MAD1L1: variants seen among roughly 807,000 people sequenced by gnomAD.
MAD1L1 encodes the protein mitotic spindle assembly checkpoint protein MAD1.
In MAD1L1, 95 loss-of-function variants were observed where a neutral mutation model predicts 96.9. The observed-to-expected ratio is 0.98, with a 90% confidence interval of 0.83 to 1.16. MAD1L1 has a LOEUF of 1.16. MAD1L1 is among the 50% of genes most tolerant of loss of function. The probability of loss-of-function intolerance (pLI) is 0.00; values close to 1 mark genes in which losing one functional copy is unlikely to be tolerated. For synonymous variants in MAD1L1, 473 were observed against 396.6 expected, an observed-to-expected ratio of 1.19 and a Z score of -2.29; for missense variants, 1,007 against 954.4, an observed-to-expected ratio of 1.06 and a Z score of -0.73.
At chr7:1,876,892 G>C (rs983454460) in intron 18 of MAD1L1, among the ~76,000 whole-genome samples, 1 of 129,822 alleles carries the variant, frequency 7.7e-6, no homozygotes, top group Non-Finnish European at 1.7e-5. Context: ...GGCAGCATGG[G>C]AAGGTGCGGT....
At chr7:2,042,937 C>G (rs1280141850) in intron 12 of MAD1L1, among the ~76,000 whole-genome samples, 1 of 152,076 alleles carries the variant, frequency 6.6e-6, no homozygotes, top group Non-Finnish European at 1.5e-5. Flanking sequence ...CAAGGCAGTG[C>G]TGCTGAGGGC....
chr7:2,215,631 G>C (rs1162948918), intron 9 of MAD1L1, among the ~76,000 whole-genome samples: 1 of 152,096 alleles, frequency 6.6e-6, no homozygotes, highest in African/African-American at 2.4e-5. Flanking sequence ...GAGCCCCCAG[G>C]ATGGCCCAGG....
At chr7:1,935,389 C>T (rs547032697) in intron 17 of MAD1L1, among the ~76,000 whole-genome samples, 1 of 152,216 alleles carries the variant, frequency 6.6e-6, no homozygotes, top group African/African-American at 2.4e-5. Context: ...AATCTGGCAA[C>T]ACAGGCCCCC....
intron 18 of MAD1L1, among the ~76,000 whole-genome samples, chr7:1,891,075 G>A (rs990724742): frequency 3.3e-5 from 5 of 152,196 alleles, no homozygotes; most frequent in Non-Finnish European, 7.4e-5. Context: ...GCAAGGATGG[G>A]CAGAGGGGAA....
chr7:1,979,225 TC>T lies in MAD1L1; in HGVS notation c.1505+1227del, dbSNP rs1780782976. On this transcript the variant is annotated intron_variant, in intron 15 of 18. Coordinates refer to ENST00000265854, the MANE Select transcript of MAD1L1 (RefSeq NM_001013836.2). The stretch of plus-strand genomic sequence containing the variant: ...GCTGTGTGGCCTAGGAAGGGTGCTC[TC>T]TCCCCACTGCCACCCCCATCTCACT... Among the ~76,000 whole-genome samples the T allele has an allele frequency of 2.0e-5, 3 of 152,226 alleles. 1 individual carries two copies. Among genetic ancestry groups the T allele is most frequent in the African/African-American group, 7.2e-5 (3 of 41,544 alleles).
chr7:2,092,460 C>T (rs188050815), intron 11 of MAD1L1, among the ~76,000 whole-genome samples: 230 of 152,148 alleles, frequency 1.5e-3, no homozygotes, highest in Admixed American at 3.5e-3. Context: ...CTCTGGATAT[C>T]GGTTGACTGT....
At chr7:2,039,390 ACTGCTGGTCATATGGGAG>A (rs1385459449) in intron 12 of MAD1L1, among the ~76,000 whole-genome samples, 2 of 152,192 alleles carry the variant, frequency 1.3e-5, no homozygotes, top group African/African-American at 4.8e-5. Context: ...CAGGAATGCG[ACTGCTGGTCATATGGGAG>A]CTGCAGTGCA....
chr7:1,958,792 T>C (rs774466790), intron 15 of MAD1L1, among the ~76,000 whole-genome samples: 1 of 152,174 alleles, frequency 6.6e-6, no homozygotes, highest in African/African-American at 2.4e-5. Flanking sequence ...ATTTAGACAG[T>C]TGTTAAAACT....
intron 10 of MAD1L1, among the ~76,000 whole-genome samples, chr7:2,204,066 C>T (rs1306270249): frequency 2.0e-5 from 3 of 152,230 alleles, no homozygotes; most frequent in Admixed American, 6.5e-5. Flanking sequence ...AAATGTGAAA[C>T]TCCTTGACCC....
chr7:2,030,807 G>A (rs561285568), intron 12 of MAD1L1, among the ~76,000 whole-genome samples: 2 of 152,228 alleles, frequency 1.3e-5, no homozygotes, highest in African/African-American at 4.8e-5. Flanking sequence ...GCTGTCAGAC[G>A]CGTTTCTGTC....
intron 10 of MAD1L1, among the ~76,000 whole-genome samples, chr7:2,177,382 C>T (rs1790996195): frequency 6.6e-6 from 1 of 152,222 alleles, no homozygotes; most frequent in African/African-American, 2.4e-5. Context: ...CAGACTTACC[C>T]AGTCTCTTCA....
chr7:2,054,842 C>T (rs1034706995), intron 12 of MAD1L1, among the ~76,000 whole-genome samples: 1 of 152,352 alleles, frequency 6.6e-6, no homozygotes, highest in African/African-American at 2.4e-5. Context: ...ACTTGAGCTG[C>T]GCTCGGCTGG....
At position 2,224,823 on chromosome 7, in the gene MAD1L1, G is replaced by C. The variant is rs1367827647; in HGVS notation, c.291+587C>G. Among the ~76,000 whole-genome samples, 4 of 152,084 alleles carry C rather than the reference G, an allele frequency of 2.6e-5. No homozygotes were observed. The East Asian group carries it at 7.7e-4, about 29-fold the overall frequency. ...ACAGGGTGTTTTCCCTGCTGCCCTG[G>C]GGAGCCAGGAGCAACACAGAGCCGC... is the stretch of plus-strand genomic sequence containing the variant. On this transcript the variant is annotated intron_variant, in intron 4 of 18. Coordinates refer to ENST00000265854, the MANE Select transcript of MAD1L1 (RefSeq NM_001013836.2).
chr7:1,961,850 C>T (rs1779964215), intron 15 of MAD1L1, among the ~76,000 whole-genome samples: 1 of 152,126 alleles, frequency 6.6e-6, no homozygotes, highest in Non-Finnish European at 1.5e-5. Flanking sequence ...GGCGGTTTCC[C>T]CCATACCATT....
chr7:1,896,164 C>A (rs1319322695), intron 18 of MAD1L1, among the ~76,000 whole-genome samples: 3 of 152,230 alleles, frequency 2.0e-5, no homozygotes, highest in Non-Finnish European at 4.4e-5. Flanking sequence ...CTGCCTCTCC[C>A]TGACCTCAGG....
intron 12 of MAD1L1, among the ~76,000 whole-genome samples, chr7:2,018,478 C>A (rs922925533): frequency 6.6e-6 from 1 of 152,210 alleles, no homozygotes; most frequent in Non-Finnish European, 1.5e-5. Flanking sequence ...GGGGCAGGCG[C>A]GTCCCGCACG....
Position 2,219,472 on chromosome 7 carries a change from A to C in MAD1L1, c.472-16T>G. On this transcript the variant is annotated splice_polypyrimidine_tract_variant and intron_variant, in intron 5 of 18. Transcript: ENST00000265854. ...CGTTGATGGTCTAAAAGTAGAGGGGACCAGAGAGCCGCTCAGTGAGTGGAG... is the reference window on the plus strand; with the variant it reads ...CGTTGATGGTCTAAAAGTAGAGGGGCCCAGAGAGCCGCTCAGTGAGTGGAG... The C allele has an allele frequency of 6.2e-7, 1 of 1,612,008 alleles. No homozygotes were observed. Among genetic ancestry groups the C allele is most frequent in the Non-Finnish European group, 8.5e-7 (1 of 1,178,938 alleles).
chr7:1,987,143 C>A (rs367635952), intron 14 of MAD1L1, among the ~76,000 whole-genome samples: 1 of 152,228 alleles, frequency 6.6e-6, no homozygotes, highest in Non-Finnish European at 1.5e-5. Context: ...CTCCCTCACC[C>A]CTCCCCTGCC....
At chr7:1,920,986 G>A (rs921244779) in intron 17 of MAD1L1, among the ~76,000 whole-genome samples, 1 of 151,502 alleles carries the variant, frequency 6.6e-6, no homozygotes, top group Admixed American at 6.5e-5. Context: ...CCCTGGAGAC[G>A]ACGAGACAGG....
Sources: gnomAD v4.1 joint callset for allele counts (sites outside exome capture counted in the v4.1 genomes callset) on GRCh38, gnomAD v4.1.1 for gene constraint, MANE v1.5 for transcripts, NCBI Gene and HGNC (gene_info 2026-07-23, HGNC 2026-07-21) for gene names.